SLC8A3: variants seen among roughly 807,000 people sequenced by gnomAD.
SLC8A3 encodes sodium/calcium exchanger 3.
In SLC8A3, 37 loss-of-function variants were observed where a neutral mutation model predicts 65.4. That is an observed-to-expected ratio of 0.57 (90% CI 0.44 to 0.74). The LOEUF (loss-of-function observed/expected upper bound fraction) is 0.74, where lower values mean the gene tolerates loss of function less well. Among genes scored for constraint, SLC8A3 ranks in the 30% least tolerant of loss-of-function variants. SLC8A3 has a pLI of 0.00. For missense variants in SLC8A3, 1,112 were observed against 1,172.1 expected (o/e 0.95, Z 0.75); for synonymous variants, 461 against 444.5 (o/e 1.04, Z -0.47).
intron 2 of SLC8A3, among the ~76,000 whole-genome samples, chr14:70,161,069 C>T (rs955470429): frequency 4.7e-5 from 7 of 148,050 alleles, no homozygotes; most frequent in African/African-American, 1.7e-4. Flanking sequence ...ATGGTGAAAC[C>T]CCATCTCTAC....
intron 2 of SLC8A3, among the ~76,000 whole-genome samples, chr14:70,105,227 G>T (rs972434732): frequency 6.6e-6 from 1 of 152,168 alleles, no homozygotes; most frequent in Non-Finnish European, 1.5e-5. Flanking sequence ...TGCTCGGGAG[G>T]CTGAGGCAGG....
intron 1 of SLC8A3, among the ~76,000 whole-genome samples, chr14:70,180,140 G>T (rs1273309193): frequency 6.6e-6 from 1 of 152,224 alleles, no homozygotes; most frequent in African/African-American, 2.4e-5. Context: ...ACCCATGGGG[G>T]AGGCTGACAT....
intron 1 of SLC8A3, among the ~76,000 whole-genome samples, chr14:70,174,678 T>TG (rs1897783037): frequency 2.5e-5 from 3 of 119,810 alleles, no homozygotes; most frequent in African/African-American, 6.1e-5. Context: ...TTTTTTTTTT[T>TG]TTTTTTTTTT....
chr14:70,051,907 G>T, intron 4 of SLC8A3, 83 bp downstream of exon 4: 1 of 1,175,370 alleles, frequency 8.5e-7, no homozygotes, highest in Non-Finnish European at 1.2e-6. Flanking sequence ...ATTCACTAGT[G>T]AAAGTGGAAA....
chr14:70,145,262 A>T (rs899016538), intron 2 of SLC8A3, among the ~76,000 whole-genome samples: 1 of 152,236 alleles, frequency 6.6e-6, no homozygotes, highest in Non-Finnish European at 1.5e-5. Flanking sequence ...ATTGGGGAAG[A>T]ATCCCTCACC....
chr14:70,167,174 T>G lies in SLC8A3; in HGVS notation c.1249A>C (p.Thr417Pro). 6.2e-7 allele frequency: 1 copy of G among 1,614,142 alleles called. No homozygotes were observed. Among genetic ancestry groups the G allele is most frequent in the Non-Finnish European group, 8.5e-7 (1 of 1,180,012 alleles). Residue 417 changes from threonine to proline, a missense_variant, in exon 2 of 7, where the codon ACA becomes CCA. Physicochemically the swap from Thr to Pro is conservative, Grantham distance 38 (BLOSUM62 -1). Coordinates refer to ENST00000356921, the MANE Select transcript of SLC8A3 (RefSeq NM_182932.3). The part of the protein sequence containing the change: ...CLENCGAVLL[T>P]VVRKGGDMSK... ...ATGTCTCCCCCTTTCCTCACCACTG[T>G]CAGGAGTACAGCCCCACAGTTCTCC...
At chr14:70,146,561 A>G (rs1340224316) in intron 2 of SLC8A3, among the ~76,000 whole-genome samples, 1 of 152,180 alleles carries the variant, frequency 6.6e-6, no homozygotes, top group Non-Finnish European at 1.5e-5. Flanking sequence ...AAATGACTTG[A>G]GGAAAAAAAT....
chr14:70,132,320 C>T (rs1894893269), intron 2 of SLC8A3, among the ~76,000 whole-genome samples: 2 of 152,218 alleles, frequency 1.3e-5, no homozygotes, highest in Admixed American at 1.3e-4. Context: ...CATCCCTTTG[C>T]ACTCTTTTAG....
chr14:70,046,302 G>C lies in SLC8A3; in HGVS notation c.2411C>G (p.Ala804Gly). Residue 804 changes from alanine (A) to glycine (G), a missense_variant, in exon 7 of 7, where the codon GCT (alanine) becomes GGT (glycine). Ala to Gly is a moderately conservative substitution (Grantham distance 60). Transcript: ENST00000356921. The surrounding 1 kb of genome is among the most constrained non-coding windows in gnomAD (Gnocchi z 4.2). ...SVPDTFASKA[A>G]ALQDVYADAS... ...GTCTGCATATACATCCTGGAGGGCA[G>C]CAGCTTTGCTGGCAAACGTATCTGG... 3 of 1,608,860 alleles carry C rather than the reference G, an allele frequency of 1.9e-6. No individual in the cohort carries two copies. The highest frequency in any genetic ancestry group is 2.5e-6 in the Non-Finnish European group (3 of 1,176,628).
At chr14:70,058,149 C>T (rs1201059303) in intron 3 of SLC8A3, among the ~76,000 whole-genome samples, 1 of 152,158 alleles carries the variant, frequency 6.6e-6, no homozygotes, top group Admixed American at 6.5e-5. Flanking sequence ...AATCCAGTCT[C>T]TCATTTTTTT....
chr14:70,126,616 T>C (rs899395148), intron 2 of SLC8A3, among the ~76,000 whole-genome samples: 9 of 148,918 alleles, frequency 6.0e-5, no homozygotes, highest in Non-Finnish European at 1.3e-4. Context: ...TTAGAACAAA[T>C]TTGGGGCCCT....
intron 2 of SLC8A3, among the ~76,000 whole-genome samples, chr14:70,098,671 A>G (rs1892356162): frequency 1.3e-5 from 2 of 152,208 alleles, no homozygotes; most frequent in African/African-American, 4.8e-5. Flanking sequence ...AGCATCTTAA[A>G]AGCCACACCG....
intron 2 of SLC8A3, among the ~76,000 whole-genome samples, chr14:70,142,505 C>G (rs1895646204): frequency 6.6e-6 from 1 of 152,238 alleles, no homozygotes; most frequent in Non-Finnish European, 1.5e-5. Flanking sequence ...AGACTGCATT[C>G]TTGGTCCCAC....
At chr14:70,126,570 TCACACACA>T (rs55776930) in intron 2 of SLC8A3, among the ~76,000 whole-genome samples, 107 of 117,108 alleles carry the variant, frequency 9.1e-4, no homozygotes, top group African/African-American at 2.6e-3. Context: ...TCTCTCTCTC[TCACACACA>T]CACACACACA....
At chr14:70,127,256 C>T (rs1408310990) in intron 2 of SLC8A3, among the ~76,000 whole-genome samples, 1 of 152,104 alleles carries the variant, frequency 6.6e-6, no homozygotes, top group Non-Finnish European at 1.5e-5. Context: ...TTGAAAACAG[C>T]GACTAGGTGA....
At chr14:70,053,731 G>C (rs1887756549) in intron 3 of SLC8A3, among the ~76,000 whole-genome samples, 1 of 152,160 alleles carries the variant, frequency 6.6e-6, no homozygotes, top group African/African-American at 2.4e-5. Context: ...TTTCCATCTA[G>C]CTTTCTGCAA....
At chr14:70,074,315 CCAGT>C (rs1031283348) in intron 2 of SLC8A3, among the ~76,000 whole-genome samples, 13 of 152,276 alleles carry the variant, frequency 8.5e-5, no homozygotes, top group East Asian at 1.9e-4. Context: ...CCTTTTTCTC[CCAGT>C]CAAAGGGGAA....
chr14:70,168,398 G>A lies in SLC8A3; in HGVS notation c.25C>T (p.Leu9Phe). MAWLRLQP[L>F]TSAFLHFGLV... ...CCAAAATGGAGGAAGGCAGAGGTGA[G>A]AGGCTGCAACCTTAACCACGCCATA... Residue 9 changes from leucine to phenylalanine, a missense_variant, in exon 2 of 7, where the codon CTC becomes TTC. By Grantham distance (22) the Leu-to-Phe change is conservative (BLOSUM62 0). Transcript: ENST00000356921. 1 of 1,614,040 alleles carries A rather than the reference G, an allele frequency of 6.2e-7. No homozygotes were observed. The highest frequency in any genetic ancestry group is 8.5e-7 in the Non-Finnish European group (1 of 1,179,972).
intron 6 of SLC8A3, chr14:70,047,173 G>A (rs1003168475): frequency 1.2e-4 from 19 of 152,262 alleles, no homozygotes; most frequent in Admixed American, 1.1e-3. Flanking sequence ...AGCCTCAAAT[G>A]TTGTTAGCTG....
Sources: allele counts gnomAD v4.1 joint callset (sites outside exome capture counted in the v4.1 genomes callset), GRCh38; gene constraint gnomAD v4.1.1; non-coding constraint Gnocchi (gnomAD v3.1); transcripts MANE v1.5; gene names NCBI Gene and HGNC (gene_info 2026-07-23, HGNC 2026-07-21).